Variants in CDKAL1 observed in about 807,000 individuals in gnomAD.
CDKAL1 encodes threonylcarbamoyladenosine tRNA methylthiotransferase.
A neutral mutation model predicts 68.2 loss-of-function variants in CDKAL1; 32 were observed. The observed-to-expected ratio is 0.47, with a 90% CI of 0.35 to 0.63. The LOEUF (loss-of-function observed/expected upper bound fraction) is 0.63. Among genes scored for constraint, CDKAL1 ranks in the 30% least tolerant of loss-of-function variants. CDKAL1 has a pLI of 0.00. For synonymous variants in CDKAL1, 234 were observed against 244.3 expected (o/e 0.96, Z 0.39); for missense variants, 606 against 696.7 (o/e 0.87, Z 1.47).
chr6:21,224,032 C>G (rs892301481), intron 15 of CDKAL1, among the ~76,000 whole-genome samples: 8 of 152,182 alleles, frequency 5.3e-5, no homozygotes, highest in African/African-American at 1.9e-4. Context: ...TTCTCTTGGG[C>G]AGCTAGTTTA....
At chr6:21,011,939 G>T (rs1768046717) in intron 11 of CDKAL1, among the ~76,000 whole-genome samples, 1 of 151,802 alleles carries the variant, frequency 6.6e-6, no homozygotes. Context: ...GAAAAAATAT[G>T]GCATAAAAAA....
In CDKAL1 at chr6:20,731,834, C is replaced by T. The variant is rs113904305; in HGVS notation, c.372-7685C>T. Among the ~76,000 whole-genome samples, 503 of 152,208 alleles carry T rather than the reference C, an allele frequency of 3.3e-3. 2 individuals are homozygous for T. The highest frequency in any genetic ancestry group is 0.011 in the African/African-American group (477 of 41,508). On this transcript the variant is annotated intron_variant, in intron 5 of 15. Transcript: ENST00000274695. ...GAGTTAAATGGGCCCAGGCACAGAA[C>T]TCATAAGTAACCAGTCTCATCCATT... is the stretch of plus-strand genomic sequence containing the variant.
At chr6:20,596,277 C>G (rs1315758100) in intron 4 of CDKAL1, among the ~76,000 whole-genome samples, 3 of 152,200 alleles carry the variant, frequency 2.0e-5, no homozygotes, top group Admixed American at 1.3e-4. Context: ...CCCCTTCCCC[C>G]AGGTGCTCTG....
At chr6:20,687,260 A>T (rs141962040) in intron 5 of CDKAL1, among the ~76,000 whole-genome samples, 6 of 152,038 alleles carry the variant, frequency 3.9e-5, no homozygotes, top group East Asian at 3.9e-4. Context: ...TGTCATAATT[A>T]AAAAAAATAT....
chr6:21,110,531 T>C (rs768903241), intron 13 of CDKAL1, among the ~76,000 whole-genome samples: 5 of 152,238 alleles, frequency 3.3e-5, no homozygotes, highest in Non-Finnish European at 7.3e-5. Context: ...TAGTGTAAAG[T>C]GTTTTACAAG....
At chr6:20,758,164 A>C (rs1389231662) in intron 6 of CDKAL1, among the ~76,000 whole-genome samples, 1 of 152,212 alleles carries the variant, frequency 6.6e-6, no homozygotes, top group Non-Finnish European at 1.5e-5. Context: ...TGAGTATTAA[A>C]ATAATAAAGA....
intron 13 of CDKAL1, among the ~76,000 whole-genome samples, chr6:21,133,608 A>G (rs990105074): frequency 6.6e-6 from 1 of 152,248 alleles, no homozygotes; most frequent in Non-Finnish European, 1.5e-5. Context: ...GGCTTCTGAT[A>G]GGCTGCATTA....
chr6:20,975,036 C>G (rs1428054212), intron 10 of CDKAL1, among the ~76,000 whole-genome samples: 1 of 150,198 alleles, frequency 6.7e-6, no homozygotes, highest in Non-Finnish European at 1.5e-5. Context: ...GACCATGACT[C>G]CAAAACAAGA....
chr6:21,105,639 T>C (rs1193294033), intron 12 of CDKAL1, among the ~76,000 whole-genome samples: 1 of 152,168 alleles, frequency 6.6e-6, no homozygotes, highest in Non-Finnish European at 1.5e-5. Flanking sequence ...ATGATAGCTG[T>C]GTCCTTGAGG....
intron 12 of CDKAL1, among the ~76,000 whole-genome samples, chr6:21,090,727 G>C (rs1181938574): frequency 1.3e-5 from 2 of 151,784 alleles, no homozygotes; most frequent in Admixed American, 1.3e-4. Flanking sequence ...TATTTCAAAA[G>C]AGAAATTCAT....
At chr6:20,813,427 G>A (rs868583322) in intron 8 of CDKAL1, among the ~76,000 whole-genome samples, 4 of 152,136 alleles carry the variant, frequency 2.6e-5, no homozygotes, top group Middle Eastern at 3.4e-3. Flanking sequence ...ACTTAACATT[G>A]TTTTTTGAAA....
intron 9 of CDKAL1, among the ~76,000 whole-genome samples, chr6:20,883,534 G>A (rs1324697465): frequency 6.6e-6 from 1 of 152,174 alleles, no homozygotes; most frequent in African/African-American, 2.4e-5. Context: ...CTGCGCAACC[G>A]AATGTTTCAT....
At chr6:20,874,123 A>C (rs1389222633) in intron 9 of CDKAL1, among the ~76,000 whole-genome samples, 1 of 152,112 alleles carries the variant, frequency 6.6e-6, no homozygotes, top group Admixed American at 6.5e-5. Flanking sequence ...AGGTAGAGTT[A>C]GGGGGAGATG....
At chr6:21,131,345 A>G (rs1442418331) in intron 13 of CDKAL1, among the ~76,000 whole-genome samples, 1 of 149,674 alleles carries the variant, frequency 6.7e-6, no homozygotes, top group Non-Finnish European at 1.5e-5. Context: ...CCAGTTTATG[A>G]TAAGTACTGC....
intron 5 of CDKAL1, among the ~76,000 whole-genome samples, chr6:20,665,686 C>T (rs186682507): frequency 1.9e-4 from 26 of 134,968 alleles, no homozygotes; most frequent in East Asian, 8.7e-4. Context: ...ATAATTGAAA[C>T]GATGTATAGA....
At chr6:21,158,933 A>G (rs1411536867) in intron 13 of CDKAL1, among the ~76,000 whole-genome samples, 1 of 152,114 alleles carries the variant, frequency 6.6e-6, no homozygotes, top group African/African-American at 2.4e-5. Flanking sequence ...AATTGTGATC[A>G]TGTGTATAAT....
At chr6:20,673,276 C>T (rs1169277993) in intron 5 of CDKAL1, among the ~76,000 whole-genome samples, 1 of 152,088 alleles carries the variant, frequency 6.6e-6, no homozygotes, top group Non-Finnish European at 1.5e-5. Flanking sequence ...GTCCAGGATT[C>T]CCCAAAGATA....
At chr6:20,785,285 C>G (rs938812351) in intron 8 of CDKAL1, among the ~76,000 whole-genome samples, 8 of 150,248 alleles carry the variant, frequency 5.3e-5, no homozygotes, top group African/African-American at 2.0e-4. Flanking sequence ...CACTATCATT[C>G]TATAACATAT....
intron 15 of CDKAL1, among the ~76,000 whole-genome samples, chr6:21,203,366 A>C (rs900710340): frequency 5.3e-5 from 8 of 151,196 alleles, no homozygotes; most frequent in African/African-American, 1.9e-4. Context: ...CCTCCTGAGT[A>C]GCTGGAATTA....
Sources: gnomAD v4.1 joint callset for allele counts (sites outside exome capture counted in the v4.1 genomes callset) on GRCh38, gnomAD v4.1.1 for gene constraint, MANE v1.5 for transcripts, NCBI Gene and HGNC (gene_info 2026-07-23, HGNC 2026-07-21) for gene names.